Variants in DOT1L observed in about 807,000 individuals in gnomAD.
DOT1L encodes DOT1 like histone lysine methyltransferase.
In DOT1L, 33 loss-of-function variants were observed where a neutral mutation model predicts 153.3. The ratio of observed to expected loss-of-function variants is 0.22; its 90% CI spans 0.16 to 0.29. The LOEUF is 0.29. DOT1L is among the 10% of genes least tolerant of loss of function. DOT1L has a pLI of 1.00. For missense variants in DOT1L, 1,847 were observed against 2,119.9 expected (o/e 0.87, Z 2.53); for synonymous variants, 1,135 against 965.1 (o/e 1.18, Z -3.26).
chr19:2,200,675 T>G (rs939468234), intron 8 of DOT1L, among the ~76,000 whole-genome samples: 1 of 151,942 alleles, frequency 6.6e-6, no homozygotes, highest in Non-Finnish European at 1.5e-5. Context: ...CTCCCAGCAC[T>G]CTTTGTCCTC....
In DOT1L at chr19:2,217,340, C is replaced by T. The variant is rs867620736; in HGVS notation, c.2544+250C>T. Reference sequence around the variant, plus strand: ...CCTGATGCCTCTTAGTTCTCAGTGACGGACGGCAAGTGCTGGTAGAGACAC... The same window carrying T: ...CCTGATGCCTCTTAGTTCTCAGTGATGGACGGCAAGTGCTGGTAGAGACAC... On this transcript the variant is annotated intron_variant, in intron 21 of 27. Coordinates refer to ENST00000398665, the MANE Select transcript of DOT1L (RefSeq NM_032482.3). The surrounding 1 kb of genome is among the most constrained non-coding windows in gnomAD (Gnocchi z 7.3). 6.6e-5 allele frequency among the ~76,000 whole-genome samples: 10 copies of T among 152,174 alleles called. No homozygotes were observed. The Middle Eastern group carries it at 0.01, about 155-fold the overall frequency.
chr19:2,232,216 C>T lies in DOT1L; in HGVS notation c.*2424C>T, dbSNP rs184801043. The stretch of plus-strand genomic sequence containing the variant: ...CTCTTGCTCAGGAATTGATAGGAAC[C>T]CTAAAAACTAGGATACCCCCTCCTC... On this transcript the variant is annotated 3_prime_UTR_variant, in exon 28 of 28. Transcript: ENST00000398665. 1.0e-4 allele frequency: 23 copies of T among 221,706 alleles called. No individual in the cohort carries two copies. The highest frequency in any genetic ancestry group is 1.8e-4 in the Non-Finnish European group (20 of 110,878). The allele number at this position is 221,706 out of a possible 1,614,324, so 13.7% of individuals were successfully genotyped here.
Position 2,217,102 on chromosome 19 carries a change from G to T in DOT1L, c.2544+12G>T, listed in dbSNP as rs79896266. On this transcript the variant is annotated intron_variant, in intron 21 of 27. Coordinates refer to ENST00000398665, the MANE Select transcript of DOT1L (RefSeq NM_032482.3). The surrounding 1 kb of genome is among the most constrained non-coding windows in gnomAD (Gnocchi z 7.3). ...AGAGCAGTGAGAAGGTGCGGGCCGC[G>T]ACCCCTGCCCCGGGCTCAGGGAGGT... 1.3e-6 allele frequency: 2 copies of T among 1,582,850 alleles called. No individual in the cohort carries two copies. The highest frequency in any genetic ancestry group is 1.7e-6 in the Non-Finnish European group (2 of 1,161,622).
chr19:2,224,528 C>T (rs1383842398), intron 25 of DOT1L, among the ~76,000 whole-genome samples: 2 of 146,328 alleles, frequency 1.4e-5, no homozygotes, highest in Non-Finnish European at 3.0e-5. Flanking sequence ...AGTGCGGTGG[C>T]GCGATCTCGG....
intron 14 of DOT1L, 65 bp from the exon 15 acceptor site, chr19:2,211,034 C>A: frequency 6.5e-7 from 1 of 1,527,172 alleles, no homozygotes; most frequent in Admixed American, 1.8e-5. Flanking sequence ...CTGCCCCATG[C>A]TGACGCCTCT....
At chr19:2,206,389 C>G (rs534820039) in intron 9 of DOT1L, among the ~76,000 whole-genome samples, 18 of 151,968 alleles carry the variant, frequency 1.2e-4, no homozygotes, top group Non-Finnish European at 2.5e-4. Flanking sequence ...GAAACCCGCT[C>G]TCTACTAAAA....
Position 2,211,798 on chromosome 19 carries a change from C to A in DOT1L, c.1513C>A (p.Pro505Thr). Residue 505 changes from proline (P) to threonine (T), a missense_variant, in exon 16 of 28, where the codon CCC (proline) becomes ACC (threonine). Pro to Thr is a conservative substitution (Grantham distance 38). This residue lies in a region of DOT1L where 156 missense variants were observed against 235.7 expected (regional missense o/e 0.66). Coordinates refer to ENST00000398665, the MANE Select transcript of DOT1L (RefSeq NM_032482.3). ...YLQFLAYTKT[P>T]QYKASLQELL... ...GCAGTTCCTGGCATACACAAAGACC[C>A]CCCAGTACAAGGCCAGCCTGCAGGA... 6.3e-7 allele frequency: 1 copy of A among 1,575,176 alleles called. No homozygotes were observed. Among genetic ancestry groups the A allele is most frequent in the Non-Finnish European group, 8.6e-7 (1 of 1,160,044 alleles).
chr19:2,184,429 A>G (rs2022397172), intron 2 of DOT1L, among the ~76,000 whole-genome samples: 1 of 151,954 alleles, frequency 6.6e-6, no homozygotes, highest in African/African-American at 2.4e-5. Context: ...GGTCCTGGCC[A>G]GCTGGTTGGG....
At position 2,222,401 on chromosome 19, in the gene DOT1L, A is replaced by G. The variant is rs2144905486; in HGVS notation, c.3232A>G (p.Ser1078Gly). The G allele has an allele frequency of 6.2e-7, 1 of 1,611,104 alleles. No individual in the cohort carries two copies. Among genetic ancestry groups the G allele is most frequent in the Non-Finnish European group, 8.5e-7 (1 of 1,179,090 alleles). Residue 1078 changes from serine (S) to glycine (G), a missense_variant, in exon 24 of 28, where the codon AGC becomes GGC. This residue lies in a region of DOT1L where 934 missense variants were observed against 825.3 expected (regional missense o/e 1.13). Coordinates refer to ENST00000398665, the MANE Select transcript of DOT1L (RefSeq NM_032482.3). The surrounding 1 kb of genome is among the most constrained non-coding windows in gnomAD (Gnocchi z 6.5). ...CAGCGCCCGTGGGGACTGTGTGCCGAGCCACGGGCAGGACAGTCGCAGGCG... is the reference window on the plus strand; with the variant it reads ...CAGCGCCCGTGGGGACTGTGTGCCGGGCCACGGGCAGGACAGTCGCAGGCG... ...TASARGDCVP[S>G]HGQDSRRRGR...
chr19:2,228,315 G>T, intron 27 of DOT1L: 1 of 1,342,824 alleles, frequency 7.4e-7, no homozygotes, highest in Non-Finnish European at 9.9e-7. Context: ...GCCTCCCTAT[G>T]CCGCGCACCT....
rs564903627 is a variant in DOT1L, at chr19:2,218,644, G to C, written c.2691+726G>C. ...TCCTGACCTAGTGATCCGCCCGCCTGGGCCTCCCAAAGTGCTGGGATTACA... is the reference window on the plus strand; with the variant it reads ...TCCTGACCTAGTGATCCGCCCGCCTCGGCCTCCCAAAGTGCTGGGATTACA... On this transcript the variant is annotated intron_variant, in intron 22 of 27. Coordinates refer to ENST00000398665, the MANE Select transcript of DOT1L (RefSeq NM_032482.3). Among the ~76,000 whole-genome samples, 1,206 of 151,850 alleles carry C rather than the reference G, an allele frequency of 7.9e-3. 13 individuals are homozygous for C. The highest frequency in any genetic ancestry group is 0.055 in the Middle Eastern group (16 of 292).
chr19:2,172,718 T>C (rs757942367), intron 1 of DOT1L, among the ~76,000 whole-genome samples: 1 of 152,064 alleles, frequency 6.6e-6, no homozygotes, highest in Non-Finnish European at 1.5e-5. Flanking sequence ...TTAATCAGGC[T>C]GGTCTCAAAC....
In DOT1L at chr19:2,189,657, T is replaced by C. The variant is rs931656606; in HGVS notation, c.201-75T>C. 3.2e-6 allele frequency: 5 copies of C among 1,550,600 alleles called. No homozygotes were observed. In the African/African-American group the frequency reaches 4.1e-5, roughly 13 times the overall value. ...GGACCACACCTTGGAGCCTGCCTTA[T>C]CCACATGCTGTCCCCTCCCATGCAT... On this transcript the variant is annotated intron_variant, in intron 3 of 27. Transcript: ENST00000398665.
chr19:2,211,471 C>T (rs955222110), intron 15 of DOT1L, among the ~76,000 whole-genome samples: 3 of 152,196 alleles, frequency 2.0e-5, no homozygotes, highest in African/African-American at 7.2e-5. Context: ...AGGGATGTTG[C>T]TGGCATGGGG....
rs745706559 is a variant in DOT1L, at chr19:2,225,368, T to A, written c.3597-20T>A. 4.3e-6 allele frequency: 7 copies of A among 1,612,166 alleles called. No homozygotes were observed. Among genetic ancestry groups the A allele is most frequent in the Non-Finnish European group, 5.9e-6 (7 of 1,178,196 alleles). On this transcript the variant is annotated intron_variant, in intron 25 of 27. Transcript: ENST00000398665. Reference sequence around the variant, plus strand: ...TATGCAGCTGGGTTTCAAGCATTAATGACCTTTTTTTCTTAACAGAATTGA... The same window carrying A: ...TATGCAGCTGGGTTTCAAGCATTAAAGACCTTTTTTTCTTAACAGAATTGA...
At chr19:2,225,879 C>T (rs1329805829) in intron 26 of DOT1L, among the ~76,000 whole-genome samples, 1 of 152,196 alleles carries the variant, frequency 6.6e-6, no homozygotes, top group African/African-American at 2.4e-5. Context: ...CCCCAGAGCT[C>T]ATCCCGCATG....
intron 1 of DOT1L, among the ~76,000 whole-genome samples, chr19:2,167,519 G>A (rs2019970370): frequency 6.6e-6 from 1 of 152,242 alleles, no homozygotes; most frequent in Admixed American, 6.5e-5. Context: ...TCCCTGGCCA[G>A]GCCCTGGCTT....
chr19:2,226,251 A>C lies in DOT1L; in HGVS notation c.3730A>C (p.Thr1244Pro), dbSNP rs1599623409. The change falls in exon 27 of 28, where the codon ACC becomes CCC. Residue 1244 changes from threonine (T) to proline (P), a missense_variant. Thr to Pro is a conservative substitution (Grantham distance 38). Around this residue, in one of 8 missense-constraint regions of DOT1L, gnomAD observed 934 missense variants for 825.3 expected, o/e 1.13. Coordinates refer to ENST00000398665, the MANE Select transcript of DOT1L (RefSeq NM_032482.3). ...AGTCAATAGCAGCAAGTGGAAGTCCACCTTCTCGCCCATCTCCGACATCGG... is the reference window on the plus strand; with the variant it reads ...AGTCAATAGCAGCAAGTGGAAGTCCCCCTTCTCGCCCATCTCCGACATCGG... ...EPVNSSKWKS[T>P]FSPISDIGLA... The C allele has an allele frequency of 6.4e-7, 1 of 1,570,324 alleles. No individual in the cohort carries two copies. Among genetic ancestry groups the C allele is most frequent in the Non-Finnish European group, 8.6e-7 (1 of 1,156,746 alleles).
chr19:2,206,196 T>C (rs1361697895), intron 9 of DOT1L, among the ~76,000 whole-genome samples: 5 of 152,074 alleles, frequency 3.3e-5, no homozygotes, highest in Admixed American at 2.0e-4. Context: ...GACACGGTTT[T>C]ACCCTGTTAG....
Sources: gnomAD v4.1 joint callset for allele counts (sites outside exome capture counted in the v4.1 genomes callset) on GRCh38, gnomAD v4.1.1 for gene constraint, gnomAD v4.1.1 regional missense constraint, Gnocchi (gnomAD v3.1) non-coding constraint, MANE v1.5 for transcripts, NCBI Gene and HGNC (gene_info 2026-07-23, HGNC 2026-07-21) for gene names.